The following SRBD1 variants were observed in gnomAD, a reference collection of about 807,000 sequenced individuals.
The protein encoded by SRBD1 is S1 RNA-binding domain-containing protein 1.
SRBD1 carries 88 observed loss-of-function variants against 115.3 expected under a neutral mutation model. The ratio of observed to expected loss-of-function variants is 0.76; its 90% CI spans 0.64 to 0.91. The LOEUF is 0.91. SRBD1 is among the 40% of genes least tolerant of loss of function. The pLI is 0.00. For missense variants in SRBD1, 1,385 were observed against 1,177.4 expected (o/e 1.18, Z -2.58); for synonymous variants, 509 against 407.7 (o/e 1.25, Z -2.99).
chr2:45,463,494 C>T (rs527782371), intron 16 of SRBD1, among the ~76,000 whole-genome samples: 1 of 152,152 alleles, frequency 6.6e-6, no homozygotes, highest in Non-Finnish European at 1.5e-5. Context: ...ATTCAGGATA[C>T]AGTTTTGAAA....
chr2:45,389,650 C>G, intron 20 of SRBD1, 51 bp from the exon 21 acceptor site: 1 of 1,541,032 alleles, frequency 6.5e-7, no homozygotes, highest in Non-Finnish European at 8.8e-7. Context: ...TTCCTAGATA[C>G]AACATAACTT....
chr2:45,542,607 G>T lies in SRBD1; in HGVS notation c.1874+4125C>A, dbSNP rs901533317. ...TACATTGTTGGTGGGAAAGTAAGAT[G>T]GTACAACCATCTTGGGAAAAAGCTT... is the stretch of plus-strand genomic sequence containing the variant. On this transcript the variant is annotated intron_variant, in intron 14 of 20. Coordinates refer to ENST00000263736, the MANE Select transcript of SRBD1 (RefSeq NM_018079.5). 2.6e-5 allele frequency among the ~76,000 whole-genome samples: 4 copies of T among 152,180 alleles called. No individual in the cohort carries two copies. In the East Asian group the frequency reaches 7.7e-4, roughly 29 times the overall value.
At chr2:45,514,124 T>C (rs1222901652) in intron 14 of SRBD1, among the ~76,000 whole-genome samples, 1 of 152,164 alleles carries the variant, frequency 6.6e-6, no homozygotes, top group Admixed American at 6.5e-5. Flanking sequence ...TAAATAGCAG[T>C]AAAGCCATGG....
chr2:45,415,030 AGT>A lies in SRBD1; in HGVS notation c.2334-1739_2334-1738del, dbSNP rs1475047060. ...ATATAGTATGTATATACACACATAT[AGT>A]GTGTATATAGTATGTATATACACAC... On this transcript the variant is annotated intron_variant, in intron 18 of 20. Coordinates refer to ENST00000263736, the MANE Select transcript of SRBD1 (RefSeq NM_018079.5). Among the ~76,000 whole-genome samples, 6 of 71,844 alleles carry A rather than the reference AGT, an allele frequency of 8.4e-5. 1 individual carries two copies. Among genetic ancestry groups the A allele is most frequent in the Non-Finnish European group, 1.4e-4 (6 of 42,380 alleles). The allele number at this position is 71,844 out of a possible 152,430, so 47.1% of individuals were successfully genotyped here. A position where few individuals can be genotyped will look rare whatever the true frequency, so the allele number is the denominator to read the frequency against.
chr2:45,528,666 A>T (rs1001370028), intron 14 of SRBD1, among the ~76,000 whole-genome samples: 12 of 151,870 alleles, frequency 7.9e-5, no homozygotes, highest in Admixed American at 6.6e-5. Context: ...GATGCAAAAG[A>T]TGAAGCTCCA....
chr2:45,565,339 C>G (rs1672793137), intron 9 of SRBD1, among the ~76,000 whole-genome samples: 1 of 152,162 alleles, frequency 6.6e-6, no homozygotes, highest in Non-Finnish European at 1.5e-5. Context: ...ATAGTGTCAA[C>G]TGATTTTCAA....
chr2:45,401,023 T>A (rs1667279159), intron 19 of SRBD1, among the ~76,000 whole-genome samples: 1 of 152,194 alleles, frequency 6.6e-6, no homozygotes, highest in African/African-American at 2.4e-5. Flanking sequence ...TGACAATCAA[T>A]CCATAGCCTG....
At chr2:45,481,336 C>T (rs139189223) in intron 15 of SRBD1, among the ~76,000 whole-genome samples, 129 of 151,996 alleles carry the variant, frequency 8.5e-4, no homozygotes, top group African/African-American at 2.9e-3. Context: ...ATGCAGAGCT[C>T]GAGGTTGAGA....
chr2:45,443,422 A>G (rs1056415984), intron 16 of SRBD1, among the ~76,000 whole-genome samples: 1 of 152,122 alleles, frequency 6.6e-6, no homozygotes, highest in African/African-American at 2.4e-5. Flanking sequence ...AGGGAAGGAT[A>G]AGACAGTACT....
At chr2:45,473,482 A>T (rs1669713007) in intron 16 of SRBD1, among the ~76,000 whole-genome samples, 1 of 152,134 alleles carries the variant, frequency 6.6e-6, no homozygotes, top group Non-Finnish European at 1.5e-5. Context: ...TTTGGAAGGG[A>T]GTACTTCCAT....
intron 14 of SRBD1, among the ~76,000 whole-genome samples, chr2:45,489,505 C>T (rs1433379255): frequency 6.6e-6 from 1 of 151,096 alleles, no homozygotes; most frequent in African/African-American, 2.4e-5. Flanking sequence ...GGGAATGTGA[C>T]AACTTCTCTT....
intron 14 of SRBD1, among the ~76,000 whole-genome samples, chr2:45,515,130 A>T (rs1389492405): frequency 6.6e-6 from 1 of 152,192 alleles, no homozygotes; most frequent in Non-Finnish European, 1.5e-5. Context: ...AGAGAGTAGA[A>T]GAAATTATAT....
At chr2:45,406,410 T>A (rs1249454662) in intron 19 of SRBD1, among the ~76,000 whole-genome samples, 1 of 152,180 alleles carries the variant, frequency 6.6e-6, no homozygotes, top group African/African-American at 2.4e-5. Context: ...AAAGAACTAT[T>A]GAGGGAAAAT....
At chr2:45,489,184 C>G (rs1203945141) in intron 14 of SRBD1, among the ~76,000 whole-genome samples, 1 of 152,150 alleles carries the variant, frequency 6.6e-6, no homozygotes, top group Non-Finnish European at 1.5e-5. Flanking sequence ...ATCATCTACT[C>G]TAAGTATACA....
intron 14 of SRBD1, among the ~76,000 whole-genome samples, chr2:45,532,918 G>C (rs1215044506): frequency 6.6e-6 from 1 of 151,912 alleles, no homozygotes; most frequent in Non-Finnish European, 1.5e-5. Context: ...CAAAAGAAAA[G>C]GATCTCAACA....
chr2:45,525,299 C>G (rs1057197600), intron 14 of SRBD1, among the ~76,000 whole-genome samples: 1 of 151,864 alleles, frequency 6.6e-6, no homozygotes, highest in South Asian at 2.1e-4. Flanking sequence ...AGTTGGACTT[C>G]AAAATTTAAA....
At chr2:45,505,550 A>C (rs1260967157) in intron 14 of SRBD1, among the ~76,000 whole-genome samples, 1 of 152,226 alleles carries the variant, frequency 6.6e-6, no homozygotes, top group Non-Finnish European at 1.5e-5. Context: ...TATGCAGAGA[A>C]GAAAATGGCC....
Position 45,389,352 on chromosome 2 carries a change from G to C in SRBD1, c.2946C>G (p.Ile982Met), listed in dbSNP as rs1315301472. Reference protein sequence around the residue: ...RVEVQVLNIDIPRSRITLDLI... With the variant: ...RVEVQVLNIDMPRSRITLDLI... ...GGTCCAGAGTAATCCTAGATCGGGG[G>C]ATGTCAATGTTGAGTACTTGGACTT... The change falls in exon 21 of 21, where the codon ATC becomes ATG. Residue 982 changes from isoleucine to methionine, a missense_variant. By Grantham distance (10) the Ile-to-Met change is conservative. Transcript: ENST00000263736. 2 of 1,613,940 alleles carry C rather than the reference G, an allele frequency of 1.2e-6. No individual in the cohort carries two copies. The highest frequency in any genetic ancestry group is 2.2e-5 in the East Asian group (1 of 44,890).
rs577414421 is a variant in SRBD1 at position 45,486,844 on chromosome 2, T to A, written c.1966+1396A>T. Among the ~76,000 whole-genome samples, 5 of 152,256 alleles carry A rather than the reference T, an allele frequency of 3.3e-5. No homozygotes were observed. The East Asian group carries it at 7.7e-4, about 23-fold the overall frequency. On this transcript the variant is annotated intron_variant, in intron 15 of 20. Coordinates refer to ENST00000263736, the MANE Select transcript of SRBD1 (RefSeq NM_018079.5). ...AAAGGATAAAATAATCTTGGTAACA[T>A]ACTTACCACAATGTTTCACATATAC...
Sources: gnomAD v4.1 joint callset for allele counts (sites outside exome capture counted in the v4.1 genomes callset) on GRCh38, gnomAD v4.1.1 for gene constraint, MANE v1.5 for transcripts, NCBI Gene and HGNC (gene_info 2026-07-23, HGNC 2026-07-21) for gene names.